MARCHF1: variants seen among roughly 807,000 people sequenced by gnomAD.
The protein encoded by MARCHF1 is E3 ubiquitin-protein ligase MARCHF1.
In MARCHF1, 40 loss-of-function variants were observed where a neutral mutation model predicts 54.2. That is an observed-to-expected ratio of 0.74 (90% CI 0.57 to 0.96). The LOEUF is 0.96. Ranked by LOEUF, MARCHF1 falls within the 40% of genes least tolerant of loss-of-function variation. MARCHF1 has a pLI of 0.00. For missense variants in MARCHF1, 586 were observed against 656.5 expected, an observed-to-expected ratio of 0.89 and a Z score of 1.17; for synonymous variants, 236 against 236.3, an observed-to-expected ratio of 1.00 and a Z score of 0.01.
chr4:163,987,222 CT>C (rs1752886502), intron 3 of MARCHF1, among the ~76,000 whole-genome samples: 3 of 152,144 alleles, frequency 2.0e-5, no homozygotes, highest in Admixed American at 2.0e-4. Context: ...GCTGAAGTTT[CT>C]TTACAAAGAT....
intron 2 of MARCHF1, among the ~76,000 whole-genome samples, chr4:164,008,157 G>A (rs547863819): frequency 6.6e-6 from 1 of 152,044 alleles, no homozygotes; most frequent in Admixed American, 6.6e-5. Context: ...CCATAAAACT[G>A]GAAACCAATA....
At position 163,869,126 on chromosome 4, in the gene MARCHF1, G is replaced by C. The variant is rs1274004713; in HGVS notation, c.-38-14957C>G. Among the ~76,000 whole-genome samples, 7 of 151,166 alleles carry C rather than the reference G, an allele frequency of 4.6e-5. No homozygotes were observed. In the South Asian group the frequency reaches 1.5e-3, roughly 32 times the overall value. ...CTCCCCCAAAAACCCCCCAAAAAAA[G>C]ATCTCTAGAGAAGCTAGAAAAAGCC... is the stretch of plus-strand genomic sequence containing the variant. On this transcript the variant is annotated intron_variant, in intron 3 of 9. Coordinates refer to ENST00000514618, the MANE Select transcript of MARCHF1 (RefSeq NM_001394959.1).
At chr4:163,637,523 C>T (rs1184629612) in intron 5 of MARCHF1, among the ~76,000 whole-genome samples, 2 of 151,878 alleles carry the variant, frequency 1.3e-5, no homozygotes, top group East Asian at 1.9e-4. Flanking sequence ...CAGAGAAATG[C>T]AAATCAAAAC....
chr4:163,817,620 T>C (rs1326721042), intron 4 of MARCHF1, among the ~76,000 whole-genome samples: 1 of 152,046 alleles, frequency 6.6e-6, no homozygotes, highest in East Asian at 1.9e-4. Flanking sequence ...GTATTTTCAA[T>C]AGGACAGTAC....
At chr4:164,171,478 G>A (rs917491008) in intron 1 of MARCHF1, among the ~76,000 whole-genome samples, 8 of 152,044 alleles carry the variant, frequency 5.3e-5, no homozygotes, top group South Asian at 2.1e-4. Context: ...ATCATACTAC[G>A]TAATATTAAG....
intron 2 of MARCHF1, among the ~76,000 whole-genome samples, chr4:164,087,176 T>C (rs1755208431): frequency 6.6e-6 from 1 of 152,094 alleles, no homozygotes; most frequent in Admixed American, 6.6e-5. Flanking sequence ...ATTTTCTTTT[T>C]TCTAAATAAT....
At chr4:163,653,138 C>T (rs1169269617) in intron 5 of MARCHF1, among the ~76,000 whole-genome samples, 2 of 151,790 alleles carry the variant, frequency 1.3e-5, no homozygotes, top group African/African-American at 4.8e-5. Flanking sequence ...AAAGAGGCAA[C>T]TGAAGTCAGG....
intron 2 of MARCHF1, among the ~76,000 whole-genome samples, chr4:163,990,796 G>A (rs974704399): frequency 6.6e-6 from 1 of 152,078 alleles, no homozygotes; most frequent in South Asian, 2.1e-4. Flanking sequence ...ATACTAAAAT[G>A]TAAATTATGA....
chr4:164,212,017 G>A (rs911795541), intron 1 of MARCHF1, among the ~76,000 whole-genome samples: 1 of 152,058 alleles, frequency 6.6e-6, no homozygotes, highest in Non-Finnish European at 1.5e-5. Flanking sequence ...TTATTATGGG[G>A]TCATGTAGCA....
intron 5 of MARCHF1, among the ~76,000 whole-genome samples, chr4:163,657,549 G>GA (rs920123009): frequency 4.6e-5 from 7 of 151,998 alleles, no homozygotes. Context: ...CACAGAATTA[G>GA]AAAAAAGCTA....
At chr4:163,754,947 A>T (rs1424558147) in intron 4 of MARCHF1, among the ~76,000 whole-genome samples, 4 of 152,242 alleles carry the variant, frequency 2.6e-5, no homozygotes, top group African/African-American at 9.6e-5. Context: ...GATGAACTGC[A>T]ATTTTGCCCC....
chr4:164,300,302 T>A (rs181227587), intron 1 of MARCHF1, among the ~76,000 whole-genome samples: 1 of 152,068 alleles, frequency 6.6e-6, no homozygotes, highest in Admixed American at 6.6e-5. Context: ...CTAGAGCCGA[T>A]TGGTATATAC....
intron 3 of MARCHF1, among the ~76,000 whole-genome samples, chr4:163,860,206 G>A (rs553388982): frequency 2.0e-5 from 3 of 152,244 alleles, no homozygotes; most frequent in African/African-American, 7.2e-5. Context: ...GAGCCCTAAC[G>A]GGGTAGAAAT....
Position 164,069,908 on chromosome 4 carries a change from T to C in MARCHF1, c.-248+41680A>G, listed in dbSNP as rs148724850. On this transcript the variant is annotated intron_variant, in intron 2 of 9. Transcript: ENST00000514618. ...ATATTGGATTGAAAAATGTGGTACA[T>C]ATATACCATGGAATACTATGCTGCT... Among the ~76,000 whole-genome samples, 853 of 152,332 alleles carry C rather than the reference T, an allele frequency of 5.6e-3. 8 individuals are homozygous for C. The highest frequency in any genetic ancestry group is 0.02 in the African/African-American group (817 of 41,572).
intron 7 of MARCHF1, among the ~76,000 whole-genome samples, chr4:163,602,738 A>G (rs1157430229): frequency 6.6e-6 from 1 of 152,132 alleles, no homozygotes; most frequent in African/African-American, 2.4e-5. Flanking sequence ...TCACCTGAAT[A>G]TTGAAGACTG....
chr4:164,203,304 T>C (rs1305606472), intron 1 of MARCHF1, among the ~76,000 whole-genome samples: 2 of 151,286 alleles, frequency 1.3e-5, no homozygotes, highest in Admixed American at 6.6e-5. Flanking sequence ...TGTGGCTGTG[T>C]AGGAGAAAGA....
chr4:163,553,100 G>C (rs570513417), intron 8 of MARCHF1, among the ~76,000 whole-genome samples: 1 of 151,360 alleles, frequency 6.6e-6, no homozygotes, highest in South Asian at 2.1e-4. Context: ...ACTAAGTACT[G>C]TGTGACCTTG....
At chr4:163,688,369 ACTTC>A (rs1202474339) in intron 5 of MARCHF1, among the ~76,000 whole-genome samples, 1 of 152,136 alleles carries the variant, frequency 6.6e-6, no homozygotes, top group Non-Finnish European at 1.5e-5. Context: ...TAAAAACCTG[ACTTC>A]TTTGACTTTT....
At chr4:163,577,493 TTC>T (rs1208183852) in intron 8 of MARCHF1, among the ~76,000 whole-genome samples, 12 of 152,060 alleles carry the variant, frequency 7.9e-5, no homozygotes, top group Admixed American at 6.6e-5. Flanking sequence ...TCTGACCTTT[TTC>T]TCTAGCTGCC....
Sources: allele counts gnomAD v4.1 joint callset (sites outside exome capture counted in the v4.1 genomes callset), GRCh38; gene constraint gnomAD v4.1.1; transcripts MANE v1.5; gene names NCBI Gene and HGNC (gene_info 2026-07-23, HGNC 2026-07-21).